The following KCNG3 variants were observed in gnomAD, a reference collection of about 807,000 sequenced individuals.
The protein encoded by KCNG3 is potassium voltage-gated channel modifier subfamily G member 3, also known as voltage-gated potassium channel regulatory subunit KCNG3.
KCNG3 carries 15 observed loss-of-function variants against 29.0 expected under a neutral mutation model. The ratio of observed to expected loss-of-function variants is 0.52; its 90% confidence interval spans 0.35 to 0.80. The LOEUF (loss-of-function observed/expected upper bound fraction) is 0.80. Ranked by LOEUF, KCNG3 falls within the 30% of genes least tolerant of loss-of-function variation. The pLI is 0.01. For synonymous variants in KCNG3, 322 were observed against 248.9 expected (o/e 1.29, Z -2.76); for missense variants, 512 against 605.7 (o/e 0.85, Z 1.62).
At chr2:42,483,806 T>G (rs565408033) in intron 1 of KCNG3, among the ~76,000 whole-genome samples, 1 of 152,312 alleles carries the variant, frequency 6.6e-6, no homozygotes, top group East Asian at 1.9e-4. Context: ...CTTTCTTTCT[T>G]TTCGAGACAG....
the KCNG3 span, chr2:42,425,130 A>C: frequency 2.6e-5 from 4 of 151,828 alleles, no homozygotes; most frequent in Non-Finnish European, 4.4e-5. Context: ...TGGAAGCACC[A>C]CCGGGTCAAG....
the KCNG3 span, among the ~76,000 whole-genome samples, chr2:42,425,921 C>G: frequency 6.6e-6 from 1 of 152,180 alleles, no homozygotes; most frequent in Non-Finnish European, 1.5e-5. Context: ...AACTACTGTA[C>G]ACAAATTGCT....
chr2:42,427,059 G>A, the KCNG3 span, among the ~76,000 whole-genome samples: 3 of 152,174 alleles, frequency 2.0e-5, no homozygotes, highest in Non-Finnish European at 2.9e-5. Context: ...AGAAATACCC[G>A]AGATTCTCAA....
At chr2:42,400,379 T>A in the KCNG3 span, among the ~76,000 whole-genome samples, 1 of 152,148 alleles carries the variant, frequency 6.6e-6, no homozygotes, top group Non-Finnish European at 1.5e-5. Flanking sequence ...TCTACCAAGC[T>A]CAGAATTCAA....
At chr2:42,406,937 T>G in the KCNG3 span, among the ~76,000 whole-genome samples, 1 of 152,094 alleles carries the variant, frequency 6.6e-6, no homozygotes, top group Non-Finnish European at 1.5e-5. Context: ...TAAGAAACAT[T>G]CTATATGATA....
chr2:42,395,383 G>A, the KCNG3 span, among the ~76,000 whole-genome samples: 4 of 152,176 alleles, frequency 2.6e-5, no homozygotes, highest in Non-Finnish European at 4.4e-5. Flanking sequence ...GCCAGAAACA[G>A]GAAGACTGGT....
At chr2:42,468,649 A>G (rs1244486185) in intron 1 of KCNG3, among the ~76,000 whole-genome samples, 2 of 152,142 alleles carry the variant, frequency 1.3e-5, no homozygotes, top group African/African-American at 4.8e-5. Context: ...ATAAAACTAA[A>G]TAATGTAAAA....
chr2:42,401,056 TATTC>T, the KCNG3 span, among the ~76,000 whole-genome samples: 1 of 151,210 alleles, frequency 6.6e-6, no homozygotes, highest in Admixed American at 6.6e-5. Context: ...TGTATATAAA[TATTC>T]ATACATATAT....
chr2:42,473,210 T>A (rs1673335934), intron 1 of KCNG3, among the ~76,000 whole-genome samples: 1 of 152,110 alleles, frequency 6.6e-6, no homozygotes, highest in Admixed American at 6.6e-5. Flanking sequence ...ACAATATTTT[T>A]AATGTTTTAT....
intron 1 of KCNG3, among the ~76,000 whole-genome samples, chr2:42,460,955 A>G (rs1355356084): frequency 6.6e-6 from 1 of 151,976 alleles, no homozygotes; most frequent in Non-Finnish European, 1.5e-5. Context: ...AGGTCAGGAG[A>G]TTAAGACCAC....
chr2:42,470,015 A>G, intron 1 of KCNG3: 1 of 499,206 alleles, frequency 2.0e-6, no homozygotes, highest in Non-Finnish European at 3.7e-6. Flanking sequence ...TGTGACAGGC[A>G]ATAAAATCTT....
intron 1 of KCNG3, among the ~76,000 whole-genome samples, chr2:42,472,892 T>G (rs1044595299): frequency 1.3e-4 from 13 of 98,780 alleles, no homozygotes; most frequent in Non-Finnish European, 1.6e-4. Context: ...TATCGATAGA[T>G]ATATATATAT....
chr2:42,395,495 G>C, the KCNG3 span, among the ~76,000 whole-genome samples: 1 of 152,108 alleles, frequency 6.6e-6, no homozygotes, highest in Non-Finnish European at 1.5e-5. Flanking sequence ...TGGGACTACA[G>C]GTGTGCATTT....
chr2:42,424,326 G>C, the KCNG3 span, among the ~76,000 whole-genome samples: 3 of 151,826 alleles, frequency 2.0e-5, no homozygotes, highest in African/African-American at 4.8e-5. Flanking sequence ...ATTTACAGGG[G>C]ACAGAGATGA....
At chr2:42,423,713 G>C in the KCNG3 span, among the ~76,000 whole-genome samples, 2,522 of 151,612 alleles carry the variant, frequency 0.017, 86 homozygotes, top group African/African-American at 0.057. Flanking sequence ...TTTTATTACT[G>C]GTCACTTTCC....
chr2:42,402,714 T>C, the KCNG3 span, among the ~76,000 whole-genome samples: 1 of 152,218 alleles, frequency 6.6e-6, no homozygotes, highest in Non-Finnish European at 1.5e-5. Flanking sequence ...GATCTCACAA[T>C]ATTTGGGCTC....
intron 1 of KCNG3, among the ~76,000 whole-genome samples, chr2:42,473,399 G>C (rs1673341569): frequency 6.6e-6 from 1 of 150,920 alleles, no homozygotes; most frequent in African/African-American, 2.4e-5. Context: ...TCCCATGGTG[G>C]AGTTCAGTGG....
chr2:42,467,797 C>G (rs1372468100), intron 1 of KCNG3, among the ~76,000 whole-genome samples: 1 of 151,890 alleles, frequency 6.6e-6, no homozygotes, highest in Non-Finnish European at 1.5e-5. Context: ...TGGCGAAACT[C>G]TTGTCTCTAC....
the KCNG3 span, among the ~76,000 whole-genome samples, chr2:42,409,013 G>A: frequency 6.6e-6 from 1 of 152,108 alleles, no homozygotes; most frequent in Admixed American, 6.5e-5. Flanking sequence ...GAGAGCCAGT[G>A]CCTGTGCTGG....
Sources: allele counts gnomAD v4.1 joint callset (sites outside exome capture counted in the v4.1 genomes callset), GRCh38; gene constraint gnomAD v4.1.1; transcripts MANE v1.5; gene names NCBI Gene and HGNC (gene_info 2026-07-23, HGNC 2026-07-21).